Variants in LHFPL6 observed in about 807,000 individuals in gnomAD.
The protein encoded by LHFPL6 is LHFPL tetraspan subfamily member 6.
Under a neutral mutation model 20.6 loss-of-function variants are expected in LHFPL6, and 9 were observed. The observed-to-expected ratio is 0.44, with a 90% confidence interval of 0.26 to 0.76. The LOEUF (loss-of-function observed/expected upper bound fraction) is 0.76, where lower values mean the gene tolerates loss of function less well. Among genes scored for constraint, LHFPL6 ranks in the 30% least tolerant of loss-of-function variants. The pLI, the probability that LHFPL6 is intolerant of heterozygous loss-of-function variation, is 0.20. For synonymous variants in LHFPL6, 105 were observed against 98.7 expected (o/e 1.06, Z -0.38); for missense variants, 218 against 253.5 (o/e 0.86, Z 0.95).
intron 2 of LHFPL6, among the ~76,000 whole-genome samples, chr13:39,423,061 G>A (rs984690647): frequency 1.3e-5 from 2 of 152,298 alleles, no homozygotes; most frequent in Non-Finnish European, 2.9e-5. Context: ...CCAACCAGGT[G>A]CCTCCCATGA....
chr13:39,408,983 T>G (rs1180314046), intron 2 of LHFPL6, among the ~76,000 whole-genome samples: 1 of 152,186 alleles, frequency 6.6e-6, no homozygotes, highest in Non-Finnish European at 1.5e-5. Flanking sequence ...AAAGTAGTGG[T>G]CCATTTGTGC....
chr13:39,566,922 C>A (rs1871737828), intron 2 of LHFPL6, among the ~76,000 whole-genome samples: 1 of 151,800 alleles, frequency 6.6e-6, no homozygotes, highest in South Asian at 2.1e-4. Context: ...AGCCTTAAAA[C>A]CAGGTTTATA....
chr13:39,394,542 A>G (rs779664844), intron 2 of LHFPL6, among the ~76,000 whole-genome samples: 1 of 152,178 alleles, frequency 6.6e-6, no homozygotes, highest in African/African-American at 2.4e-5. Context: ...GTGAACTCAT[A>G]CCTTAAGTCA....
intron 2 of LHFPL6, among the ~76,000 whole-genome samples, chr13:39,427,260 G>T (rs1455504991): frequency 6.6e-6 from 1 of 152,156 alleles, no homozygotes; most frequent in African/African-American, 2.4e-5. Flanking sequence ...TCTAATCTGG[G>T]TTTGTCTTCT....
intron 2 of LHFPL6, among the ~76,000 whole-genome samples, chr13:39,543,067 A>G (rs781201883): frequency 1.1e-4 from 17 of 152,140 alleles, no homozygotes; most frequent in Non-Finnish European, 1.9e-4. Flanking sequence ...TTCTGTCTCT[A>G]TGAATTTACC....
At chr13:39,419,752 T>A (rs1186375740) in intron 2 of LHFPL6, among the ~76,000 whole-genome samples, 1 of 152,186 alleles carries the variant, frequency 6.6e-6, no homozygotes, top group African/African-American at 2.4e-5. Context: ...TTTTTAACAA[T>A]CATATTCTCC....
rs60324329 is a variant in LHFPL6, at chr13:39,563,091, A to AACACACACACACACAC, written c.385+37725_385+37740dup. On this transcript the variant is annotated intron_variant, in intron 2 of 3. Transcript: ENST00000379589. ...ATAAAGGTCATGGGGCAATACTAGA[A>AACACACACACACACAC]ACACACACACACACACACACACACA... Among the ~76,000 whole-genome samples the AACACACACACACACAC allele has an allele frequency of 6.4e-4, 87 of 135,764 alleles. 1 individual carries two copies. Among genetic ancestry groups the AACACACACACACACAC allele is most frequent in the Non-Finnish European group, 9.9e-4 (63 of 63,334 alleles). 89.1% of individuals were successfully genotyped at this position (135,764 alleles called of 152,430 possible).
Position 39,550,532 on chromosome 13 carries a change from A to G in LHFPL6, c.385+50300T>C, listed in dbSNP as rs1284397502. Among the ~76,000 whole-genome samples, 5 of 152,240 alleles carry G rather than the reference A, an allele frequency of 3.3e-5. No individual in the cohort carries two copies. The South Asian group carries it at 8.3e-4, about 25-fold the overall frequency. On this transcript the variant is annotated intron_variant, in intron 2 of 3. Transcript: ENST00000379589. ...ACTATTCACCAACCCTCCCCCACCA[A>G]TACTGTATTAGTGCACAATCATAAT...
chr13:39,395,978 CA>C (rs1360421364), intron 2 of LHFPL6, among the ~76,000 whole-genome samples: 1 of 152,200 alleles, frequency 6.6e-6, no homozygotes. Context: ...GCCTTATAAA[CA>C]GACTATTTTC....
intron 2 of LHFPL6, among the ~76,000 whole-genome samples, chr13:39,466,071 G>A (rs1872798977): frequency 1.3e-5 from 2 of 152,156 alleles, no homozygotes; most frequent in African/African-American, 2.4e-5. Context: ...AGCCTTTGGA[G>A]TAGAGTGGGT....
chr13:39,562,499 TATATACA>T (rs1871543625), intron 2 of LHFPL6, among the ~76,000 whole-genome samples: 2 of 84,678 alleles, frequency 2.4e-5, no homozygotes, highest in African/African-American at 7.3e-5. Flanking sequence ...CACATATACA[TATATACA>T]TATATACATA....
chr13:39,505,513 A>G (rs1244453833), intron 2 of LHFPL6, among the ~76,000 whole-genome samples: 1 of 152,090 alleles, frequency 6.6e-6, no homozygotes, highest in Non-Finnish European at 1.5e-5. Context: ...AAAAAAACAC[A>G]TGAAGGGCTT....
chr13:39,343,886 C>T lies in LHFPL6; in HGVS notation c.*50G>A, dbSNP rs1329782143. 2.1e-6 allele frequency: 3 copies of T among 1,459,376 alleles called. No individual in the cohort carries two copies. The African/African-American group carries it at 4.2e-5, about 20-fold the overall frequency. The allele number at this position is 1,459,376 out of a possible 1,614,324, so 90.4% of individuals were successfully genotyped here. On this transcript the variant is annotated 3_prime_UTR_variant, in exon 4 of 4. Transcript: ENST00000379589. ...AGGTAGGTGGATGTTTTGACCTCTCCAAGCCCCTTTGGCCCATCTTCTCCT... is the reference window on the plus strand; with the variant it reads ...AGGTAGGTGGATGTTTTGACCTCTCTAAGCCCCTTTGGCCCATCTTCTCCT...
chr13:39,409,180 G>A (rs1871192159), intron 2 of LHFPL6, among the ~76,000 whole-genome samples: 2 of 152,092 alleles, frequency 1.3e-5, no homozygotes, highest in African/African-American at 2.4e-5. Context: ...ACTGCCAGAC[G>A]CGGTGGCTCA....
At chr13:39,455,784 A>G (rs960541711) in intron 2 of LHFPL6, among the ~76,000 whole-genome samples, 20 of 152,226 alleles carry the variant, frequency 1.3e-4, no homozygotes, top group Non-Finnish European at 1.3e-4. Flanking sequence ...GACAGCAGAG[A>G]AAGGAACTTG....
chr13:39,469,360 T>C (rs1872887954), intron 2 of LHFPL6, among the ~76,000 whole-genome samples: 1 of 152,210 alleles, frequency 6.6e-6, no homozygotes, highest in Admixed American at 6.5e-5. Context: ...CACCACGCAC[T>C]TTCCCTCTTT....
chr13:39,555,926 T>C (rs1020753242), intron 2 of LHFPL6, among the ~76,000 whole-genome samples: 7 of 152,276 alleles, frequency 4.6e-5, no homozygotes, highest in Admixed American at 2.6e-4. Context: ...ACCATCCCCT[T>C]GGTGGTAAGT....
intron 2 of LHFPL6, among the ~76,000 whole-genome samples, chr13:39,404,741 T>C (rs629422): frequency 0.87 from 132,597 of 152,134 alleles, 57,866 homozygotes; most frequent in Admixed American, 0.92. Context: ...TATTTTATCC[T>C]TAGCTATGCC....
intron 3 of LHFPL6, among the ~76,000 whole-genome samples, chr13:39,369,329 C>T (rs1870093747): frequency 6.6e-6 from 1 of 152,026 alleles, no homozygotes; most frequent in Non-Finnish European, 1.5e-5. Flanking sequence ...ACTGAAATAA[C>T]CAAGCCAAAA....
Sources: allele counts gnomAD v4.1 joint callset (sites outside exome capture counted in the v4.1 genomes callset), GRCh38; gene constraint gnomAD v4.1.1; transcripts MANE v1.5; gene names NCBI Gene and HGNC (gene_info 2026-07-23, HGNC 2026-07-21).